The following SDHC variants were observed in gnomAD, a reference collection of about 807,000 sequenced individuals.
SDHC encodes the protein succinate dehydrogenase cytochrome b560 subunit, mitochondrial.
SDHC carries 11 observed loss-of-function variants against 22.6 expected under a neutral mutation model. The observed-to-expected ratio is 0.49, with a 90% CI of 0.31 to 0.81. The LOEUF is 0.81. Ranked by LOEUF, SDHC falls within the 30% of genes least tolerant of loss-of-function variation. The pLI is 0.05. For missense variants in SDHC, 160 were observed against 212.0 expected, an observed-to-expected ratio of 0.75 and a Z score of 1.52; for synonymous variants, 80 against 77.8, an observed-to-expected ratio of 1.03 and a Z score of -0.15.
chr1:161,322,573 T>G (rs1249214378), intron 1 of SDHC, among the ~76,000 whole-genome samples: 1 of 149,200 alleles, frequency 6.7e-6, no homozygotes, highest in Non-Finnish European at 1.5e-5. Flanking sequence ...TTGTTTTTGT[T>G]TTTTTTTTTT....
At chr1:161,353,338 A>G (rs928009117) in intron 4 of SDHC, among the ~76,000 whole-genome samples, 1 of 152,160 alleles carries the variant, frequency 6.6e-6, no homozygotes, top group African/African-American at 2.4e-5. Flanking sequence ...TTGCCCAGAT[A>G]TCTAAGGCAT....
chr1:161,360,285 T>G (rs748408059), intron 5 of SDHC, among the ~76,000 whole-genome samples: 13 of 152,082 alleles, frequency 8.5e-5, no homozygotes, highest in Non-Finnish European at 1.8e-4. Flanking sequence ...GGGGGCATGG[T>G]AGCTCATGTC....
At chr1:161,328,292 A>T in intron 2 of SDHC, 104 bp from the exon 3 acceptor site, 1 of 929,676 alleles carries the variant, frequency 1.1e-6, no homozygotes, top group South Asian at 1.3e-5. Context: ...CTGAGCAACC[A>T]TGCCTGGCTT....
In SDHC at chr1:161,362,590, C is replaced by A; in HGVS notation, c.*157C>A. ...TTGGAGCAGTAGAGTACCTGGTAGACCATAATAGTGGAAAAGGGTCTAGTT... is the reference window on the plus strand; with the variant it reads ...TTGGAGCAGTAGAGTACCTGGTAGAACATAATAGTGGAAAAGGGTCTAGTT... On this transcript the variant is annotated 3_prime_UTR_variant, in exon 6 of 6. Coordinates refer to ENST00000367975, the MANE Select transcript of SDHC (RefSeq NM_003001.5). The A allele has an allele frequency of 6.2e-7, 1 of 1,609,024 alleles. No individual in the cohort carries two copies. The highest frequency in any genetic ancestry group is 8.5e-7 in the Non-Finnish European group (1 of 1,178,088).
chr1:161,351,992 G>C (rs922775129), intron 4 of SDHC, among the ~76,000 whole-genome samples: 2 of 152,216 alleles, frequency 1.3e-5, no homozygotes, highest in Non-Finnish European at 2.9e-5. Flanking sequence ...GGACTTAACT[G>C]GGGTGGATCC....
rs117507008 is a variant in SDHC at position 161,323,706 on chromosome 1, T to A, written c.77+36T>A. On this transcript the variant is annotated intron_variant, in intron 2 of 5. Transcript: ENST00000367975. The stretch of plus-strand genomic sequence containing the variant: ...AAGTCTGGAGATTATTTATTTATTT[T>A]TTTTTTTGAGACGGAGTCTCGCTCT... 55,873 of 1,540,462 alleles carry A rather than the reference T, an allele frequency of 0.036. 2,498 individuals carry two copies. Among genetic ancestry groups the A allele is most frequent in the East Asian group, 0.25 (11,177 of 44,020 alleles).
At chr1:161,333,698 G>A (rs538167080) in intron 3 of SDHC, among the ~76,000 whole-genome samples, 10 of 152,272 alleles carry the variant, frequency 6.6e-5, no homozygotes, top group African/African-American at 2.4e-4. Flanking sequence ...CACGGCATCC[G>A]GCCTATGTTT....
chr1:161,324,260 C>T (rs1433703005), intron 2 of SDHC, among the ~76,000 whole-genome samples: 1 of 152,192 alleles, frequency 6.6e-6, no homozygotes, highest in Admixed American at 6.5e-5. Flanking sequence ...TGTGGTGTGC[C>T]ACCATGCCTG....
chr1:161,319,133 A>G (rs1670741774), intron 1 of SDHC, among the ~76,000 whole-genome samples: 1 of 152,182 alleles, frequency 6.6e-6, no homozygotes, highest in East Asian at 1.9e-4. Context: ...AGGCAGGAGA[A>G]TCGCTTGAAC....
intron 2 of SDHC, among the ~76,000 whole-genome samples, chr1:161,323,949 G>C (rs1328653211): frequency 6.6e-6 from 1 of 152,144 alleles, no homozygotes; most frequent in Admixed American, 6.5e-5. Flanking sequence ...GCCCGCCTCG[G>C]CCTCCCAAAG....
chr1:161,332,172 A>G (rs1407484616), intron 3 of SDHC, among the ~76,000 whole-genome samples: 1 of 152,012 alleles, frequency 6.6e-6, no homozygotes, highest in African/African-American at 2.4e-5. Flanking sequence ...AGACGGTCTC[A>G]ATATATTACC....
chr1:161,322,756 G>A (rs981819047), intron 1 of SDHC, among the ~76,000 whole-genome samples: 1 of 129,598 alleles, frequency 7.7e-6, no homozygotes, highest in African/African-American at 2.9e-5. Context: ...TTGTAGAGAT[G>A]GGGTTTTACC....
At chr1:161,339,625 CTTTAA>C in intron 3 of SDHC, 1 of 613,732 alleles carries the variant, frequency 1.6e-6, no homozygotes, top group Non-Finnish European at 2.1e-6. Flanking sequence ...TTTCTTTATT[CTTTAA>C]TTTATTTTTG....
chr1:161,341,062 C>G (rs1257236464), intron 4 of SDHC, among the ~76,000 whole-genome samples: 1 of 152,138 alleles, frequency 6.6e-6, no homozygotes, highest in Non-Finnish European at 1.5e-5. Flanking sequence ...CCAGGATGGT[C>G]TTGATCTGAC....
chr1:161,340,729 C>T lies in SDHC; in HGVS notation c.241+74C>T, dbSNP rs9970904. On this transcript the variant is annotated intron_variant, in intron 4 of 5. Coordinates refer to ENST00000367975, the MANE Select transcript of SDHC (RefSeq NM_003001.5). The stretch of plus-strand genomic sequence containing the variant: ...TGGCTGTTTCATTGGCCCTAGTCTC[C>T]GCCTCCTTTGAAACTCAGCACTTGA... The T allele has an allele frequency of 0.088, 100,057 of 1,141,326 alleles. 6,613 individuals are homozygous for T. The highest frequency in any genetic ancestry group is 0.26 in the East Asian group (10,912 of 42,620). The allele number at this position is 1,141,326 out of a possible 1,614,324, so 70.7% of individuals were successfully genotyped here. A position where few individuals can be genotyped will look rare whatever the true frequency, so the allele number is the denominator to read the frequency against.
intron 3 of SDHC, among the ~76,000 whole-genome samples, chr1:161,330,687 G>T (rs1229622855): frequency 6.6e-6 from 1 of 152,120 alleles, no homozygotes; most frequent in Non-Finnish European, 1.5e-5. Flanking sequence ...CAGTATTTCT[G>T]TTGGTATAAC....
At chr1:161,353,377 T>C (rs933245504) in intron 4 of SDHC, among the ~76,000 whole-genome samples, 24 of 152,296 alleles carry the variant, frequency 1.6e-4, no homozygotes, top group Admixed American at 1.4e-3. Context: ...TTCAGAGCTT[T>C]GTGCTGGCAC....
At chr1:161,335,399 C>T (rs1671438769) in intron 3 of SDHC, among the ~76,000 whole-genome samples, 1 of 152,116 alleles carries the variant, frequency 6.6e-6, no homozygotes, top group African/African-American at 2.4e-5. Flanking sequence ...ATTTACTCAC[C>T]AGTATCTGTT....
chr1:161,340,463 C>G, intron 3 of SDHC, 131 bp from the exon 4 acceptor site: 1 of 760,682 alleles, frequency 1.3e-6, no homozygotes, highest in Non-Finnish European at 2.2e-6. Flanking sequence ...CAGAGCGAGA[C>G]TCTGTCTCAA....
Sources: allele counts gnomAD v4.1 joint callset (sites outside exome capture counted in the v4.1 genomes callset), GRCh38; gene constraint gnomAD v4.1.1; transcripts MANE v1.5; gene names NCBI Gene and HGNC (gene_info 2026-07-23, HGNC 2026-07-21).